Variants in SSR1 observed in about 807,000 individuals in gnomAD.
SSR1 encodes signal sequence receptor subunit 1.
In SSR1, 13 loss-of-function variants were observed where a neutral mutation model predicts 36.1. That is an observed-to-expected ratio of 0.36 (90% CI 0.23 to 0.57). SSR1 has a LOEUF of 0.57. Among genes scored for constraint, SSR1 ranks in the 20% least tolerant of loss-of-function variants. The probability of loss-of-function intolerance (pLI) is 0.81; values close to 1 mark genes in which losing one functional copy is unlikely to be tolerated. For synonymous variants in SSR1, 113 were observed against 118.9 expected, an observed-to-expected ratio of 0.95 and a Z score of 0.32; for missense variants, 291 against 338.5, an observed-to-expected ratio of 0.86 and a Z score of 1.10.
intron 6 of SSR1, chr6:7,297,098 G>T: frequency 3.0e-6 from 1 of 336,416 alleles, no homozygotes; most frequent in Non-Finnish European, 5.9e-6. Context: ...GCGTGCACCT[G>T]TAGTTCGACT....
At chr6:7,295,210 G>A (rs1010457756) in intron 7 of SSR1, 182 bp downstream of exon 7, 29 of 1,238,098 alleles carry the variant, frequency 2.3e-5, no homozygotes, top group Non-Finnish European at 3.2e-5. Context: ...TAAAGCATAA[G>A]AAGACTACAC....
At chr6:7,301,617 A>G (rs755752171) in intron 3 of SSR1, 45 bp from the exon 4 acceptor site, 3 of 1,550,058 alleles carry the variant, frequency 1.9e-6, no homozygotes, top group South Asian at 1.2e-5. Context: ...ACATGGAAAG[A>G]GCACAAAATA....
In SSR1 at chr6:7,289,724, CCA is replaced by C. The variant is rs16740; in HGVS notation, c.*138_*139del. 294,654 of 739,306 alleles carry C rather than the reference CCA, an allele frequency of 0.4. 58,935 individuals are homozygous for C. The highest frequency in any genetic ancestry group is 0.42 in the East Asian group (12,932 of 30,728). The allele number at this position is 739,306 out of a possible 1,614,324, so 45.8% of individuals were successfully genotyped here. A position where few individuals can be genotyped will look rare whatever the true frequency, so the allele number is the denominator to read the frequency against. ...CAGTGCATTTTCAGCAATATTATCG[CCA>C]CAGACTCTGATTGCTCAGTCCACAC... On this transcript the variant is annotated 3_prime_UTR_variant, in exon 8 of 8. Transcript: ENST00000244763.
At chr6:7,293,354 C>T (rs886424991) in intron 7 of SSR1, among the ~76,000 whole-genome samples, 1 of 152,010 alleles carries the variant, frequency 6.6e-6, no homozygotes, top group Non-Finnish European at 1.5e-5. Flanking sequence ...CCCTCCTACC[C>T]TTCCCCGAGT....
intron 1 of SSR1, among the ~76,000 whole-genome samples, chr6:7,310,604 C>T (rs1758168221): frequency 6.6e-6 from 1 of 152,190 alleles, no homozygotes; most frequent in Non-Finnish European, 1.5e-5. Context: ...AAACAACCCC[C>T]ACGTTTAAAA....
intron 2 of SSR1, among the ~76,000 whole-genome samples, chr6:7,307,881 A>G (rs1433984614): frequency 1.3e-5 from 2 of 152,240 alleles, no homozygotes; most frequent in Non-Finnish European, 2.9e-5. Context: ...AGAGAGCACA[A>G]GTAATTTCAT....
At chr6:7,307,661 CAGTT>C (rs1014480569) in intron 2 of SSR1, among the ~76,000 whole-genome samples, 6 of 152,182 alleles carry the variant, frequency 3.9e-5, no homozygotes, top group African/African-American at 9.6e-5. Context: ...CCTGCCTCAA[CAGTT>C]AGGATTACAG....
At chr6:7,312,905 T>TGGGGAGAGGGC in intron 1 of SSR1, 137 bp downstream of exon 1, 1 of 848,492 alleles carries the variant, frequency 1.2e-6, no homozygotes, top group Non-Finnish European at 1.9e-6. Flanking sequence ...AGCCTAGGCT[T>TGGGGAGAGGGC]GGGGAGAGGG....
At chr6:7,310,920 A>C (rs1051234559) in intron 1 of SSR1, among the ~76,000 whole-genome samples, 12 of 152,220 alleles carry the variant, frequency 7.9e-5, no homozygotes, top group African/African-American at 2.9e-4. Context: ...CAAAAAAATA[A>C]AAATAAAAAA....
intron 2 of SSR1, among the ~76,000 whole-genome samples, chr6:7,303,901 C>T (rs554769057): frequency 6.6e-6 from 1 of 152,136 alleles, no homozygotes; most frequent in Non-Finnish European, 1.5e-5. Context: ...GCAGGAGAAT[C>T]GCTTGAATCC....
chr6:7,302,351 T>G (rs1014869063), intron 3 of SSR1, among the ~76,000 whole-genome samples: 1 of 152,228 alleles, frequency 6.6e-6, no homozygotes, highest in African/African-American at 2.4e-5. Context: ...CAGTTTCTTC[T>G]CCAAACTTCA....
intron 2 of SSR1, among the ~76,000 whole-genome samples, chr6:7,307,861 T>C (rs1758104838): frequency 6.6e-6 from 1 of 152,208 alleles, no homozygotes; most frequent in South Asian, 2.1e-4. Flanking sequence ...AATAAGTACA[T>C]TCTAGTGCCA....
At chr6:7,304,704 G>A (rs1360186412) in intron 2 of SSR1, among the ~76,000 whole-genome samples, 1 of 152,162 alleles carries the variant, frequency 6.6e-6, no homozygotes, top group Non-Finnish European at 1.5e-5. Flanking sequence ...TAAACACAGT[G>A]CAGCATCATT....
Position 7,289,059 on chromosome 6 carries a change from C to T in SSR1, c.*805G>A, listed in dbSNP as rs1757618953. On this transcript the variant is annotated 3_prime_UTR_variant, in exon 8 of 8. Transcript: ENST00000244763. ...CTCTCTCAAAACAAAACAAAAAAAC[C>T]TACACACAACTGAGTGAGTAGGTCT... The T allele has an allele frequency of 6.6e-6, 1 of 152,088 alleles. No homozygotes were observed. The highest frequency in any genetic ancestry group is 2.4e-5 in the African/African-American group (1 of 41,418). 9.4% of individuals were successfully genotyped at this position (152,088 alleles called of 1,614,324 possible). A position where few individuals can be genotyped will look rare whatever the true frequency, so the allele number is the denominator to read the frequency against.
intron 4 of SSR1, among the ~76,000 whole-genome samples, chr6:7,300,690 T>C (rs1451488029): frequency 6.6e-6 from 1 of 152,192 alleles, no homozygotes; most frequent in African/African-American, 2.4e-5. Flanking sequence ...TGGCCCAGGC[T>C]GGAGTACAAT....
At chr6:7,297,617 C>T (rs750019507) in intron 6 of SSR1, among the ~76,000 whole-genome samples, 2 of 151,828 alleles carry the variant, frequency 1.3e-5, no homozygotes, top group African/African-American at 4.8e-5. Flanking sequence ...CCCAGCTAAC[C>T]GGGAGGCTGA....
rs1185548610 is a variant in SSR1, at chr6:7,309,897, A to G, written c.192+20T>C. On this transcript the variant is annotated intron_variant, in intron 2 of 7. Transcript: ENST00000244763. ...CAATTACATACATTTTACATATATT[A>G]AATAGTATGTAACACTAACCAAATC... 6.7e-7 allele frequency: 1 copy of G among 1,501,398 alleles called. No homozygotes were observed. The highest frequency in any genetic ancestry group is 1.7e-5 in the Admixed American group (1 of 59,864). The allele number at this position is 1,501,398 out of a possible 1,614,324, so 93.0% of individuals were successfully genotyped here. A position where few individuals can be genotyped will look rare whatever the true frequency, so the allele number is the denominator to read the frequency against.
At chr6:7,290,895 G>A (rs750437484) in intron 7 of SSR1, among the ~76,000 whole-genome samples, 1 of 151,872 alleles carries the variant, frequency 6.6e-6, no homozygotes. Context: ...TGTTTATCAA[G>A]AATATTTATT....
rs1354477254 is a variant in SSR1, at chr6:7,287,719, T to C, written c.*2145A>G. 1 of 152,574 alleles carries C rather than the reference T, an allele frequency of 6.6e-6. No individual in the cohort carries two copies. Among genetic ancestry groups the C allele is most frequent in the African/African-American group, 2.4e-5 (1 of 41,448 alleles). The allele number at this position is 152,574 out of a possible 1,614,324, so 9.5% of individuals were successfully genotyped here. On this transcript the variant is annotated 3_prime_UTR_variant, in exon 8 of 8. Transcript: ENST00000244763. ...ATAGTTGGTGTAGCAAATGAATATATCAAAACAAAGAAAAACTTCATCCAA... is the reference window on the plus strand; with the variant it reads ...ATAGTTGGTGTAGCAAATGAATATACCAAAACAAAGAAAAACTTCATCCAA...
Sources: gnomAD v4.1 joint callset for allele counts (sites outside exome capture counted in the v4.1 genomes callset) on GRCh38, gnomAD v4.1.1 for gene constraint, MANE v1.5 for transcripts, NCBI Gene and HGNC (gene_info 2026-07-23, HGNC 2026-07-21) for gene names.